The following ATRX variants were observed in gnomAD, a reference collection of about 807,000 sequenced individuals.
ATRX encodes the protein chromatin remodeler ATRX.
ATRX carries 12 observed loss-of-function variants against 172.6 expected under a neutral mutation model. The observed-to-expected ratio is 0.07, with a 90% CI of 0.04 to 0.11. ATRX has a LOEUF of 0.11. Ranked by LOEUF, ATRX falls within the 10% of genes least tolerant of loss-of-function variation. ATRX has a pLI of 1.00. For missense variants in ATRX, 1,368 were observed against 1,767.4 expected, an observed-to-expected ratio of 0.77 and a Z score of 4.05; for synonymous variants, 674 against 594.7, an observed-to-expected ratio of 1.13 and a Z score of -1.94.
intron 1 of ATRX, among the ~76,000 whole-genome samples, chrX:77,765,121 C>T (rs1376676531): frequency 9.1e-6 from 1 of 109,814 alleles, no homozygotes; most frequent in Non-Finnish European, 1.9e-5. Context: ...GAGCCGAGAT[C>T]ACACCATTGC....
At position 77,684,102 on chromosome X, in the gene ATRX, G is replaced by C. The variant is rs138366560; in HGVS notation, c.1154C>G (p.Ser385Cys). 3.3e-6 allele frequency: 4 copies of C among 1,207,475 alleles called. No individual in the cohort carries two copies. Among genetic ancestry groups the C allele is most frequent in the Non-Finnish European group, 4.5e-6 (4 of 892,481 alleles). The change falls in exon 9 of 35, where the codon TCT becomes TGT. Residue 385 changes from serine to cysteine, a missense_variant. Transcript: ENST00000373344. The part of the protein sequence containing the change: ...KQATDNSEIS[S>C]ATKLRQLKAF... ...CTTAAGCTGACGTAATTTTGTAGCA[G>C]AACTGATTTCTGAATTATCTGTTGC...
chrX:77,590,381 C>A (rs989120657), intron 26 of ATRX, among the ~76,000 whole-genome samples: 4 of 110,380 alleles, frequency 3.6e-5, no homozygotes, highest in East Asian at 5.7e-4. Context: ...GAGACCGAGA[C>A]GGGTGGATCA....
chrX:77,747,065 C>T (rs1744433308), intron 1 of ATRX, among the ~76,000 whole-genome samples: 1 of 111,005 alleles, frequency 9.0e-6, no homozygotes. Context: ...TCCCAAAGTG[C>T]TGGGATTACA....
rs2068261853 is a variant in ATRX, at chrX:77,634,633, G to A, written c.4770C>T (p.Cys1590=). The part of the protein sequence containing the change: ...KKTKKSPGSG[C]ILAHCMGLGK... ...CAAGGCCCATACAGTGGGCAAGAATGCATCCTGAACCTGGAGATTTCTTTG... is the reference window on the plus strand; with the variant it reads ...CAAGGCCCATACAGTGGGCAAGAATACATCCTGAACCTGGAGATTTCTTTG... The change falls in exon 17 of 35, where the codon TGC becomes TGT. Residue 1590 remains cysteine, a synonymous_variant. Coordinates refer to ENST00000373344, the MANE Select transcript of ATRX (RefSeq NM_000489.6). 1 of 1,211,172 alleles carries A rather than the reference G, an allele frequency of 8.3e-7. No homozygotes were observed. The highest frequency in any genetic ancestry group is 3.0e-5 in the East Asian group (1 of 33,834).
At chrX:77,725,508 C>G (rs1186014657) in intron 1 of ATRX, among the ~76,000 whole-genome samples, 1 of 112,011 alleles carries the variant, frequency 8.9e-6, no homozygotes, top group East Asian at 2.8e-4. Flanking sequence ...AGACCTAAAA[C>G]CATAAAAACC....
chrX:77,591,460 G>A (rs1174175256), intron 26 of ATRX, among the ~76,000 whole-genome samples: 1 of 112,348 alleles, frequency 8.9e-6, no homozygotes, highest in Admixed American at 9.4e-5. Flanking sequence ...TACTATAGGA[G>A]AAGAAGGTAC....
intron 2 of ATRX, among the ~76,000 whole-genome samples, chrX:77,715,904 T>C (rs1226999911): frequency 1.8e-5 from 2 of 110,478 alleles, no homozygotes; most frequent in Non-Finnish European, 3.8e-5. Context: ...ATTGTGTGTG[T>C]CTGTGTGCAT....
At chrX:77,785,844 C>T in intron 1 of ATRX, 138 bp downstream of exon 1, 1 of 900,833 alleles carries the variant, frequency 1.1e-6, no homozygotes, top group Non-Finnish European at 1.4e-6. Context: ...ACCCTTCTCA[C>T]CTAAAGAGAA....
At chrX:77,711,896 C>T (rs987840473) in intron 2 of ATRX, among the ~76,000 whole-genome samples, 2 of 112,257 alleles carry the variant, frequency 1.8e-5, no homozygotes, top group African/African-American at 3.2e-5. Flanking sequence ...ACTCCAAACC[C>T]TTTCCACCCT....
At chrX:77,635,374 G>T (rs782630876) in intron 16 of ATRX, among the ~76,000 whole-genome samples, 2 of 111,242 alleles carry the variant, frequency 1.8e-5, no homozygotes, top group African/African-American at 6.5e-5. Flanking sequence ...TGAGTTTATT[G>T]AGTCAATCAG....
intron 1 of ATRX, among the ~76,000 whole-genome samples, chrX:77,736,066 C>A (rs781892323): frequency 9.2e-6 from 1 of 109,114 alleles, no homozygotes; most frequent in Admixed American, 9.8e-5. Flanking sequence ...TAAATAAAAT[C>A]AAAATGGATT....
chrX:77,684,243 G>T lies in ATRX; in HGVS notation c.1013C>A (p.Ser338Tyr). Residue 338 changes from serine (S) to tyrosine (Y), a missense_variant, in exon 9 of 35, where the codon TCT (serine) becomes TAT (tyrosine). Coordinates refer to ENST00000373344, the MANE Select transcript of ATRX (RefSeq NM_000489.6). ...TAGTGCGGAATAAGAGTAGGTTACA[G>T]AGCCAGAACAGGAATCATCTAATTT... ...EKKLDDSCSG[S>Y]VTYSYSALIV... 1 of 1,210,961 alleles carries T rather than the reference G, an allele frequency of 8.3e-7. No homozygotes were observed. The highest frequency in any genetic ancestry group is 1.1e-6 in the Non-Finnish European group (1 of 894,916).
At chrX:77,590,277 G>A (rs1334170978) in intron 26 of ATRX, among the ~76,000 whole-genome samples, 1 of 110,462 alleles carries the variant, frequency 9.1e-6, no homozygotes, top group East Asian at 2.8e-4. Flanking sequence ...TTAATTGTAG[G>A]GCCCAGGCAT....
chrX:77,671,147 C>CAAAAAAAA (rs34939100), intron 10 of ATRX, among the ~76,000 whole-genome samples: 2 of 15,297 alleles, frequency 1.3e-4, no homozygotes, highest in African/African-American at 3.0e-4. Flanking sequence ...GACTCTGTCT[C>CAAAAAAAA]AAAAAAAAAA....
chrX:77,654,992 A>G (rs2069468313), intron 13 of ATRX, among the ~76,000 whole-genome samples: 1 of 111,419 alleles, frequency 9.0e-6, no homozygotes, highest in Non-Finnish European at 1.9e-5. Flanking sequence ...GCCTCAACAT[A>G]CATGAAGCTG....
intron 27 of ATRX, among the ~76,000 whole-genome samples, chrX:77,581,580 G>A (rs1461571686): frequency 2.7e-5 from 3 of 111,708 alleles, no homozygotes; most frequent in Non-Finnish European, 3.8e-5. Context: ...TATTGTTACA[G>A]CCAAAGAGAG....
intron 26 of ATRX, 93 bp downstream of exon 26, chrX:77,593,603 G>T (rs2066361000): frequency 1.0e-6 from 1 of 958,680 alleles, no homozygotes; most frequent in African/African-American, 2.0e-5. Flanking sequence ...TAGGAAGGAA[G>T]GAAAAGCAAC....
intron 1 of ATRX, among the ~76,000 whole-genome samples, chrX:77,720,950 C>G (rs1229666783): frequency 9.0e-6 from 1 of 111,595 alleles, no homozygotes; most frequent in East Asian, 2.8e-4. Flanking sequence ...AAGCCGAATC[C>G]AGCAGCACAT....
At chrX:77,580,964 T>A (rs1426561622) in intron 27 of ATRX, among the ~76,000 whole-genome samples, 1 of 112,255 alleles carries the variant, frequency 8.9e-6, no homozygotes, top group Non-Finnish European at 1.9e-5. Flanking sequence ...GTTTCTTTCT[T>A]TGTTTATAAA....
Sources: gnomAD v4.1 joint callset for allele counts (sites outside exome capture counted in the v4.1 genomes callset) on GRCh38, gnomAD v4.1.1 for gene constraint, MANE v1.5 for transcripts, NCBI Gene and HGNC (gene_info 2026-07-23, HGNC 2026-07-21) for gene names.